The following LIPH variants were observed in gnomAD, a reference collection of about 807,000 sequenced individuals.
The protein encoded by LIPH is lipase member H.
LIPH carries 32 observed loss-of-function variants against 47.6 expected under a neutral mutation model. The ratio of observed to expected loss-of-function variants is 0.67; its 90% CI spans 0.51 to 0.90. The LOEUF (loss-of-function observed/expected upper bound fraction) is 0.90, where lower values mean the gene tolerates loss of function less well. Ranked by LOEUF, LIPH falls within the 40% of genes least tolerant of loss-of-function variation. The pLI, the probability that LIPH is intolerant of heterozygous loss-of-function variation, is 0.00. For synonymous variants in LIPH, 190 were observed against 195.6 expected, an observed-to-expected ratio of 0.97 and a Z score of 0.24; for missense variants, 497 against 541.4, an observed-to-expected ratio of 0.92 and a Z score of 0.81.
chr3:185,546,638 A>G (rs1720882955), intron 1 of LIPH, among the ~76,000 whole-genome samples: 1 of 152,190 alleles, frequency 6.6e-6, no homozygotes, highest in African/African-American at 2.4e-5. Flanking sequence ...TGTCTCTAGA[A>G]AAAATCAAAA....
intron 9 of LIPH, among the ~76,000 whole-genome samples, chr3:185,509,589 T>G (rs1352543774): frequency 6.6e-6 from 1 of 151,988 alleles, no homozygotes; most frequent in Non-Finnish European, 1.5e-5. Flanking sequence ...AAGAACGCGC[T>G]ACTACTGTAC....
intron 1 of LIPH, 108 bp downstream of exon 1, chr3:185,552,315 C>G: frequency 2.7e-6 from 2 of 743,042 alleles, no homozygotes; most frequent in Admixed American, 3.9e-5. Context: ...AAAAACGACT[C>G]TATGGACTTA....
chr3:185,514,659 G>A (rs1008986771), intron 7 of LIPH, 138 bp from the exon 8 acceptor site: 35 of 683,774 alleles, frequency 5.1e-5, no homozygotes, highest in Non-Finnish European at 8.3e-5. Flanking sequence ...CAAAGATCCA[G>A]GGCAGAAGTT....
intron 4 of LIPH, among the ~76,000 whole-genome samples, chr3:185,526,184 G>T (rs562997862): frequency 6.6e-6 from 1 of 151,860 alleles, no homozygotes; most frequent in Non-Finnish European, 1.5e-5. Flanking sequence ...ACAACATAGC[G>T]AGACCCCCAT....
Position 185,552,101 on chromosome 3 carries a change from G to T in LIPH, c.49+322C>A, listed in dbSNP as rs150284720. Among the ~76,000 whole-genome samples, 9 of 151,966 alleles carry T rather than the reference G, an allele frequency of 5.9e-5. No individual in the cohort carries two copies. In the East Asian group the frequency reaches 1.7e-3, roughly 29 times the overall value. On this transcript the variant is annotated intron_variant, in intron 1 of 9. Coordinates refer to ENST00000296252, the MANE Select transcript of LIPH (RefSeq NM_139248.3). The stretch of plus-strand genomic sequence containing the variant: ...GAACTAGAAAGGCACAGATAAATAG[G>T]CTAAGAAAGAAAATAAGACTTCTAG...
At chr3:185,540,772 T>C (rs1169833589) in intron 1 of LIPH, among the ~76,000 whole-genome samples, 1 of 151,982 alleles carries the variant, frequency 6.6e-6, no homozygotes, top group Non-Finnish European at 1.5e-5. Context: ...TCATGGAATG[T>C]AGATGTGTGA....
At chr3:185,518,333 G>T (rs182338747) in intron 6 of LIPH, among the ~76,000 whole-genome samples, 407 of 152,256 alleles carry the variant, frequency 2.7e-3, no homozygotes, top group African/African-American at 8.4e-3. Flanking sequence ...AGGCTGGAGT[G>T]CAATGGCGCG....
At position 185,535,048 on chromosome 3, in the gene LIPH, A is replaced by G. The variant is rs754715516; in HGVS notation, c.134T>C (p.Leu45Pro). ...GCAGGTCAGGTTTTTCCTTGTGTAG[A>G]GCATCAGCCTCACATTTAGTCCCGT... ...VGTGLNVRLM[L>P]YTRKNLTCAQ... Residue 45 changes from leucine (L) to proline (P), a missense_variant, in exon 2 of 10, where the codon CTC becomes CCC. Physicochemically the swap from Leu to Pro is moderately conservative, Grantham distance 98. Coordinates refer to ENST00000296252, the MANE Select transcript of LIPH (RefSeq NM_139248.3). 2.8e-5 allele frequency: 45 copies of G among 1,613,744 alleles called. 3 individuals carry two copies. In the South Asian group the frequency reaches 4.2e-4, roughly 15 times the overall value.
intron 5 of LIPH, among the ~76,000 whole-genome samples, chr3:185,522,732 C>T (rs1719946897): frequency 6.6e-6 from 1 of 151,996 alleles, no homozygotes; most frequent in Admixed American, 6.6e-5. Context: ...AGTCAGCTCA[C>T]TTTTATGTTG....
At chr3:185,546,540 T>C (rs186878060) in intron 1 of LIPH, among the ~76,000 whole-genome samples, 231 of 151,974 alleles carry the variant, frequency 1.5e-3, no homozygotes, top group Non-Finnish European at 2.3e-3. Flanking sequence ...GGCTCACGCC[T>C]GTAATCCCAA....
At chr3:185,546,661 G>A (rs373876639) in intron 1 of LIPH, among the ~76,000 whole-genome samples, 3 of 152,162 alleles carry the variant, frequency 2.0e-5, no homozygotes, top group Non-Finnish European at 4.4e-5. Flanking sequence ...TTAGCTGGGC[G>A]TGGTTGCACA....
intron 1 of LIPH, among the ~76,000 whole-genome samples, chr3:185,548,041 G>C (rs147221177): frequency 1.3e-5 from 2 of 152,256 alleles, no homozygotes; most frequent in East Asian, 1.9e-4. Context: ...TGTTCTGAAG[G>C]AATTTCCAAA....
chr3:185,525,484 G>C (rs934468454), intron 4 of LIPH, among the ~76,000 whole-genome samples: 1 of 152,102 alleles, frequency 6.6e-6, no homozygotes, highest in African/African-American at 2.4e-5. Flanking sequence ...AACAACTTAA[G>C]TGAAGATATG....
chr3:185,519,434 T>C, intron 5 of LIPH, 125 bp from the exon 6 acceptor site: 1 of 713,912 alleles, frequency 1.4e-6, no homozygotes, highest in Non-Finnish European at 2.5e-6. Context: ...TTTTATTTCA[T>C]TTAATCTTTA....
intron 1 of LIPH, among the ~76,000 whole-genome samples, chr3:185,540,868 C>A (rs1484098461): frequency 6.6e-6 from 1 of 152,104 alleles, no homozygotes. Context: ...AATGTGCAAC[C>A]CCTGGCAAGG....
In LIPH at chr3:185,528,212, C is replaced by G. The variant is rs536665015; in HGVS notation, c.527-627G>C. On this transcript the variant is annotated intron_variant, in intron 3 of 9. Coordinates refer to ENST00000296252, the MANE Select transcript of LIPH (RefSeq NM_139248.3). ...CTGGCGGCAGAGCAAGGCTCTGTCT[C>G]GAAGAAAGAAAGAGAGAGAGAGAGA... Among the ~76,000 whole-genome samples, 47 of 129,066 alleles carry G rather than the reference C, an allele frequency of 3.6e-4. 1 individual carries two copies. Among genetic ancestry groups the G allele is most frequent in the Middle Eastern group, 7.8e-3 (2 of 256 alleles). 84.7% of individuals were successfully genotyped at this position (129,066 alleles called of 152,430 possible). A position where few individuals can be genotyped will look rare whatever the true frequency, so the allele number is the denominator to read the frequency against.
chr3:185,526,664 AAT>A (rs1265052816), intron 4 of LIPH, among the ~76,000 whole-genome samples: 1 of 93,054 alleles, frequency 1.1e-5, no homozygotes, highest in Non-Finnish European at 2.2e-5. Flanking sequence ...AATAAAAAAT[AAT>A]ATAATATAAT....
chr3:185,509,241 C>T (rs1284060785), intron 9 of LIPH, among the ~76,000 whole-genome samples: 6 of 151,694 alleles, frequency 4.0e-5, no homozygotes, highest in African/African-American at 9.7e-5. Context: ...GCTGAGATCA[C>T]GCCATTGCAC....
At position 185,538,967 on chromosome 3, in the gene LIPH, A is replaced by T. The variant is rs544517057; in HGVS notation, c.50-3835T>A. ...TATACATATATATACACATATATAT[A>T]TTTTTTTTTATTTTATTTTTTTGAG... On this transcript the variant is annotated intron_variant, in intron 1 of 9. Coordinates refer to ENST00000296252, the MANE Select transcript of LIPH (RefSeq NM_139248.3). Among the ~76,000 whole-genome samples, 771 of 147,554 alleles carry T rather than the reference A, an allele frequency of 5.2e-3. 7 individuals are homozygous for T. The highest frequency in any genetic ancestry group is 0.015 in the African/African-American group (608 of 40,396).
Sources: gnomAD v4.1 joint callset for allele counts (sites outside exome capture counted in the v4.1 genomes callset) on GRCh38, gnomAD v4.1.1 for gene constraint, MANE v1.5 for transcripts, NCBI Gene and HGNC (gene_info 2026-07-23, HGNC 2026-07-21) for gene names.